Variants in DDX11 observed in about 807,000 individuals in gnomAD.
DDX11 encodes DEAD/H-box helicase 11.
A neutral mutation model predicts 125.2 loss-of-function variants in DDX11; 72 were observed. That is an observed-to-expected ratio of 0.58 (90% CI 0.48 to 0.70). DDX11 has a LOEUF of 0.70. DDX11 is among the 30% of genes least tolerant of loss of function. DDX11 has a pLI of 0.00. For missense variants in DDX11, 883 were observed against 1,165.0 expected (o/e 0.76, Z 3.52); for synonymous variants, 347 against 452.6 (o/e 0.77, Z 2.96).
chr12:31,084,226 C>CT (rs1271138574), intron 3 of DDX11, among the ~76,000 whole-genome samples, 165 bp downstream of exon 3: 1 of 152,196 alleles, frequency 6.6e-6, no homozygotes, highest in Non-Finnish European at 1.5e-5. Flanking sequence ...GCTGTGCTGT[C>CT]TTTTTTGAGC....
At chr12:31,081,507 A>G (rs1264050974) in intron 2 of DDX11, among the ~76,000 whole-genome samples, 2 of 151,686 alleles carry the variant, frequency 1.3e-5, no homozygotes, top group Non-Finnish European at 2.9e-5. Context: ...GCCTTGTGTA[A>G]TACTGCAGTT....
At chr12:31,100,907 G>C in intron 19 of DDX11, 120 bp from the exon 20 acceptor site, 1 of 1,125,828 alleles carries the variant, frequency 8.9e-7, no homozygotes, top group Non-Finnish European at 1.4e-6. Context: ...GATGGTGGGC[G>C]GGTGAGCGCT....
chr12:31,099,202 C>A (rs1945943133), intron 18 of DDX11, among the ~76,000 whole-genome samples: 1 of 149,706 alleles, frequency 6.7e-6, no homozygotes, highest in African/African-American at 2.5e-5. Context: ...ATTCTCATGC[C>A]TCAACCTCCT....
Position 31,103,842 on chromosome 12 carries a change from A to C in DDX11, c.*6A>C. On this transcript the variant is annotated 3_prime_UTR_variant, in exon 27 of 27. Transcript: ENST00000542838. ...AGAAGTCGGCCTCTTCCTGATGGGCAACCACACCACTGCCTGGCGCCGTGC... is the reference window on the plus strand; with the variant it reads ...AGAAGTCGGCCTCTTCCTGATGGGCCACCACACCACTGCCTGGCGCCGTGC... The C allele has an allele frequency of 6.2e-7, 1 of 1,613,824 alleles. No homozygotes were observed. The highest frequency in any genetic ancestry group is 8.5e-7 in the Non-Finnish European group (1 of 1,179,854).
intron 2 of DDX11, among the ~76,000 whole-genome samples, chr12:31,082,465 G>T (rs1403032093): frequency 6.6e-6 from 1 of 152,044 alleles, no homozygotes; most frequent in African/African-American, 2.4e-5. Context: ...CCTGGCACCT[G>T]GCTGTGGAGT....
intron 5 of DDX11, among the ~76,000 whole-genome samples, chr12:31,085,826 C>T (rs536749923): frequency 1.3e-5 from 2 of 152,094 alleles, no homozygotes; most frequent in East Asian, 3.9e-4. Context: ...ACAAATAGCA[C>T]CTATGTGAAG....
At position 31,101,946 on chromosome 12, in the gene DDX11, G is replaced by T; in HGVS notation, c.2166G>T (p.Lys722Asn). 1 of 1,613,526 alleles carries T rather than the reference G, an allele frequency of 6.2e-7. No homozygotes were observed. Among genetic ancestry groups the T allele is most frequent in the East Asian group, 2.2e-5 (1 of 44,868 alleles). The change falls in exon 21 of 27, where the codon AAG becomes AAT. Residue 722 changes from lysine (K) to asparagine (N), a missense_variant. By Grantham distance (94) the Lys-to-Asn change is moderately conservative (BLOSUM62 0). Transcript: ENST00000542838. ...YLRQVHAHWE[K>N]GGLLGRLAAR... ...GCCAGGTCCATGCCCACTGGGAGAA[G>T]GGTGGCCTGCTGGGCCGTCTGGCTG...
rs763085656 is a variant in DDX11 at position 31,089,382 on chromosome 12, T to C, written c.793-21T>C. On this transcript the variant is annotated intron_variant, in intron 7 of 26. Coordinates refer to ENST00000542838, the MANE Select transcript of DDX11 (RefSeq NM_030653.4). The stretch of plus-strand genomic sequence containing the variant: ...TTAGCTGGCACCATCTTTTTGCCTC[T>C]TTCTTTCTCCTTTGCTGCAGAACCT... 5.0e-6 allele frequency: 8 copies of C among 1,613,564 alleles called. No individual in the cohort carries two copies. The Admixed American group carries it at 1.0e-4, about 20-fold the overall frequency.
rs370411492 is a variant in DDX11, at chr12:31,085,094, C to T, written c.606C>T (p.Tyr202=). ...AGGAGGAGCTGGTCCTCGCCGAATA[C>T]GAGAGTGATGAGGAGAAAAAGGTGG... ...SGEEELVLAE[Y]ESDEEKKVAS... Residue 202 remains tyrosine, a synonymous_variant, in exon 5 of 27, where the codon TAC becomes TAT. Transcript: ENST00000542838. The T allele has an allele frequency of 6.3e-6, 10 of 1,583,646 alleles. No individual in the cohort carries two copies. In the African/African-American group the frequency reaches 9.4e-5, roughly 15 times the overall value.
intron 17 of DDX11, 95 bp downstream of exon 17, chr12:31,097,085 G>C (rs1945387216): frequency 1.3e-6 from 2 of 1,538,700 alleles, no homozygotes; most frequent in Non-Finnish European, 1.8e-6. Flanking sequence ...CTTCCATCCT[G>C]GGAACTTCCT....
rs565676965 is a variant in DDX11 at position 31,089,952 on chromosome 12, C to T, written c.947C>T (p.Pro316Leu). 2.4e-4 allele frequency: 382 copies of T among 1,600,780 alleles called. 1 individual carries two copies. The East Asian group carries it at 8.5e-3, about 36-fold the overall frequency. The part of the protein sequence containing the change: ...RRRQEKQAAC[P>L]FYNHEQMGLL... ...AGGCAGGAGAAGCAGGCAGCCTGCCCCTTCTACAACCACGAGCAGATGGGC... is the reference window on the plus strand; with the variant it reads ...AGGCAGGAGAAGCAGGCAGCCTGCCTCTTCTACAACCACGAGCAGATGGGC... The change falls in exon 9 of 27, where the codon CCC becomes CTC. Residue 316 changes from proline to leucine, a missense_variant. Around this residue, in one of 5 missense-constraint regions of DDX11, gnomAD observed 72 missense variants for 159.7 expected, o/e 0.45. Coordinates refer to ENST00000542838, the MANE Select transcript of DDX11 (RefSeq NM_030653.4).
chr12:31,075,265 C>T lies in DDX11; in HGVS notation c.-5+1174C>T, dbSNP rs538310984. Among the ~76,000 whole-genome samples the T allele has an allele frequency of 5.9e-4, 80 of 136,552 alleles. 1 individual carries two copies. Among genetic ancestry groups the T allele is most frequent in the Middle Eastern group, 3.6e-3 (1 of 280 alleles). The allele number at this position is 136,552 out of a possible 152,430, so 89.6% of individuals were successfully genotyped here. A position where few individuals can be genotyped will look rare whatever the true frequency, so the allele number is the denominator to read the frequency against. ...TGTGCTGCTTCTGGAATAATGAGAT[C>T]CATAATTACCACTGATGGGGAAGTG... On this transcript the variant is annotated intron_variant, in intron 1 of 26. Transcript: ENST00000542838.
chr12:31,077,317 C>T (rs961058692), intron 1 of DDX11, among the ~76,000 whole-genome samples: 1 of 152,074 alleles, frequency 6.6e-6, no homozygotes, highest in Non-Finnish European at 1.5e-5. Context: ...ATGACGTCAA[C>T]GTGGAGCAGA....
chr12:31,099,076 C>CTTTTTTTTTTTTTTTTTTTTTT (rs1945864738), intron 18 of DDX11, among the ~76,000 whole-genome samples: 1 of 60,556 alleles, frequency 1.7e-5, no homozygotes, highest in Non-Finnish European at 3.0e-5. Context: ...GTATTTCTTT[C>CTTTTTTTTTTTTTTTTTTTTTT]TTTCTTTCTT....
intron 2 of DDX11, among the ~76,000 whole-genome samples, chr12:31,079,511 CGAG>C (rs1474059074): frequency 1.7e-5 from 2 of 118,930 alleles, no homozygotes; most frequent in Non-Finnish European, 3.5e-5. Context: ...CAAGAAAAGA[CGAG>C]GAGGAGAAAA....
rs754371119 is a variant in DDX11, at chr12:31,089,921, A to C, written c.916A>C (p.Arg306=). The C allele has an allele frequency of 1.1e-5, 17 of 1,605,402 alleles. No individual in the cohort carries two copies. Among genetic ancestry groups the C allele is most frequent in the Middle Eastern group, 2.3e-4 (1 of 4,420 alleles). The change falls in exon 9 of 27, where the codon AGG becomes CGG. Residue 306 remains arginine, a synonymous_variant. Coordinates refer to ENST00000542838, the MANE Select transcript of DDX11 (RefSeq NM_030653.4). ...AGGAGCTGAGGAGGAGAAGCCAAAG[A>C]GGAGGAGGCAGGAGAAGCAGGCAGC... ...KKGAEEEKPK[R]RRQEKQAACP...
intron 5 of DDX11, chr12:31,086,236 G>T (rs769779756): frequency 2.3e-5 from 10 of 436,784 alleles, no homozygotes; most frequent in South Asian, 1.6e-4. Flanking sequence ...GGCTTCGGGT[G>T]TCAGCTGCTC....
At chr12:31,099,726 T>G (rs1173160237) in intron 18 of DDX11, among the ~76,000 whole-genome samples, 1 of 152,160 alleles carries the variant, frequency 6.6e-6, no homozygotes, top group African/African-American at 2.4e-5. Context: ...AGAATTTGCT[T>G]TTTTCTTTTC....
Position 31,104,162 on chromosome 12 carries a change from G to C in DDX11, c.*326G>C. The C allele has an allele frequency of 6.9e-7, 1 of 1,442,072 alleles. No homozygotes were observed. The highest frequency in any genetic ancestry group is 1.5e-5 in the South Asian group (1 of 67,582). 89.3% of individuals were successfully genotyped at this position (1,442,072 alleles called of 1,614,324 possible). ...GTCTCCGCAGGAGGCTGTGGCAGCT[G>C]TGGCATCCACTGTGGCATCTCCGTC... On this transcript the variant is annotated 3_prime_UTR_variant, in exon 27 of 27. Coordinates refer to ENST00000542838, the MANE Select transcript of DDX11 (RefSeq NM_030653.4).
Sources: gnomAD v4.1 joint callset for allele counts (sites outside exome capture counted in the v4.1 genomes callset) on GRCh38, gnomAD v4.1.1 for gene constraint, gnomAD v4.1.1 regional missense constraint, MANE v1.5 for transcripts, NCBI Gene and HGNC (gene_info 2026-07-23, HGNC 2026-07-21) for gene names.